ZMAT4: variants seen among roughly 807,000 people sequenced by gnomAD.
ZMAT4 encodes the protein zinc finger matrin-type protein 4.
Under a neutral mutation model 28.7 loss-of-function variants are expected in ZMAT4, and 17 were observed. The ratio of observed to expected loss-of-function variants is 0.59; its 90% confidence interval spans 0.41 to 0.89. ZMAT4 has a LOEUF of 0.89. Ranked by LOEUF, ZMAT4 falls within the 40% of genes least tolerant of loss-of-function variation. ZMAT4 has a pLI of 0.00. For synonymous variants in ZMAT4, 117 were observed against 109.2 expected, an observed-to-expected ratio of 1.07 and a Z score of -0.44; for missense variants, 240 against 283.8, an observed-to-expected ratio of 0.85 and a Z score of 1.11.
chr8:40,652,180 TC>T (rs766190214), intron 5 of ZMAT4, among the ~76,000 whole-genome samples: 1 of 123,776 alleles, frequency 8.1e-6, no homozygotes, highest in Non-Finnish European at 1.8e-5. Context: ...TGCTACCTAC[TC>T]ATTTGACAAA....
chr8:40,850,022 A>C (rs546836987), intron 1 of ZMAT4, among the ~76,000 whole-genome samples: 1 of 152,164 alleles, frequency 6.6e-6, no homozygotes, highest in South Asian at 2.1e-4. Flanking sequence ...TGAGCAGGAC[A>C]TGTCGCTTCG....
intron 1 of ZMAT4, among the ~76,000 whole-genome samples, chr8:40,855,810 G>T: frequency 6.6e-6 from 1 of 151,590 alleles, no homozygotes. Flanking sequence ...TGAGTAGCTG[G>T]GACTACAGGT....
At chr8:40,601,705 A>AAAG (rs201105559) in intron 5 of ZMAT4, among the ~76,000 whole-genome samples, 5 of 33,050 alleles carry the variant, frequency 1.5e-4, no homozygotes, top group Admixed American at 7.9e-4. Context: ...AGAAAGAAAG[A>AAAG]AAAGAAAGAA....
chr8:40,700,919 A>C (rs113575737), intron 3 of ZMAT4, among the ~76,000 whole-genome samples: 38 of 152,306 alleles, frequency 2.5e-4, no homozygotes, highest in African/African-American at 8.9e-4. Context: ...AGGAGCCAGC[A>C]CCTAGCACCA....
At chr8:40,885,841 A>G (rs1818433406) in intron 1 of ZMAT4, among the ~76,000 whole-genome samples, 1 of 152,180 alleles carries the variant, frequency 6.6e-6, no homozygotes, top group Admixed American at 6.5e-5. Flanking sequence ...AGTGGCATGT[A>G]TAAGTGAGAC....
intron 2 of ZMAT4, among the ~76,000 whole-genome samples, chr8:40,819,548 G>A (rs1815671267): frequency 2.6e-5 from 4 of 152,232 alleles, no homozygotes; most frequent in Admixed American, 1.3e-4. Context: ...GGGGGAGCAC[G>A]GGAGGTATGG....
At chr8:40,840,531 C>G (rs1334705614) in intron 1 of ZMAT4, among the ~76,000 whole-genome samples, 1 of 152,170 alleles carries the variant, frequency 6.6e-6, no homozygotes, top group Non-Finnish European at 1.5e-5. Context: ...ACTCACCTCC[C>G]CATGAAGCAG....
chr8:40,768,818 C>T (rs1404991572), intron 2 of ZMAT4, among the ~76,000 whole-genome samples: 1 of 152,172 alleles, frequency 6.6e-6, no homozygotes, highest in Non-Finnish European at 1.5e-5. Context: ...ATCCCCCTTC[C>T]CTTTCCTTTA....
intron 3 of ZMAT4, among the ~76,000 whole-genome samples, chr8:40,703,623 G>A (rs1810237079): frequency 6.6e-6 from 1 of 152,144 alleles, no homozygotes; most frequent in Non-Finnish European, 1.5e-5. Context: ...AATGAGGAGT[G>A]ATTGCTAATG....
chr8:40,827,416 TGTAAA>T (rs1030875873), intron 1 of ZMAT4, among the ~76,000 whole-genome samples: 26 of 152,124 alleles, frequency 1.7e-4, no homozygotes, highest in Non-Finnish European at 2.6e-4. Flanking sequence ...CAGTGAACTG[TGTAAA>T]GTAAAGTGAA....
At chr8:40,560,347 A>C (rs1010316221) in intron 6 of ZMAT4, among the ~76,000 whole-genome samples, 8 of 152,108 alleles carry the variant, frequency 5.3e-5, no homozygotes, top group Admixed American at 6.6e-5. Flanking sequence ...CCTATGCCAC[A>C]GTACCAGCAG....
chr8:40,863,565 G>A (rs1447795648), intron 1 of ZMAT4, among the ~76,000 whole-genome samples: 1 of 152,102 alleles, frequency 6.6e-6, no homozygotes, highest in Non-Finnish European at 1.5e-5. Flanking sequence ...GTAGATGATG[G>A]GTTCAGTTCA....
chr8:40,875,564 C>T (rs1042540165), intron 1 of ZMAT4, among the ~76,000 whole-genome samples: 1 of 152,154 alleles, frequency 6.6e-6, no homozygotes, highest in Non-Finnish European at 1.5e-5. Context: ...TTGGAAAGAA[C>T]AGTGGGAAAG....
chr8:40,547,254 T>A (rs1585668140), intron 6 of ZMAT4, among the ~76,000 whole-genome samples: 1 of 152,134 alleles, frequency 6.6e-6, no homozygotes, highest in East Asian at 1.9e-4. Flanking sequence ...GCTGCTGGGG[T>A]TAGCCTGCAA....
chr8:40,573,457 T>G (rs1055507415), intron 6 of ZMAT4, among the ~76,000 whole-genome samples: 15 of 152,306 alleles, frequency 9.8e-5, no homozygotes, highest in African/African-American at 3.1e-4. Context: ...TTCTTCTCTG[T>G]GTATCCAAAT....
intron 3 of ZMAT4, among the ~76,000 whole-genome samples, chr8:40,756,459 C>CATATACAT (rs59936081): frequency 1.5e-5 from 1 of 64,944 alleles, no homozygotes; most frequent in Non-Finnish European, 3.0e-5. Flanking sequence ...TATATATATA[C>CATATACAT]ACACTTGTAT....
At chr8:40,632,010 C>G (rs568120749) in intron 5 of ZMAT4, among the ~76,000 whole-genome samples, 1 of 152,218 alleles carries the variant, frequency 6.6e-6, no homozygotes, top group South Asian at 2.1e-4. Context: ...GGTTTCTGCT[C>G]AAATCCAGGT....
chr8:40,677,786 A>G (rs1271120777), intron 4 of ZMAT4, among the ~76,000 whole-genome samples: 1 of 152,216 alleles, frequency 6.6e-6, no homozygotes, highest in Non-Finnish European at 1.5e-5. Context: ...TTTAAAAAAC[A>G]CTTTAGTTGA....
intron 4 of ZMAT4, among the ~76,000 whole-genome samples, chr8:40,683,688 T>C (rs986429748): frequency 1.3e-5 from 2 of 152,186 alleles, no homozygotes; most frequent in Non-Finnish European, 2.9e-5. Flanking sequence ...AGTTATGCAG[T>C]ACTCACCAGG....
Sources: gnomAD v4.1 joint callset for allele counts (sites outside exome capture counted in the v4.1 genomes callset) on GRCh38, gnomAD v4.1.1 for gene constraint, MANE v1.5 for transcripts, NCBI Gene and HGNC (gene_info 2026-07-23, HGNC 2026-07-21) for gene names.